Variants in CNPY4 observed in about 807,000 individuals in gnomAD.
CNPY4 encodes the protein canopy FGF signaling regulator 4.
In CNPY4, 33 loss-of-function variants were observed where a neutral mutation model predicts 30.1. The ratio of observed to expected loss-of-function variants is 1.10; its 90% confidence interval spans 0.83 to 1.46. The LOEUF (loss-of-function observed/expected upper bound fraction) is 1.46. CNPY4 is among the 40% of genes most tolerant of loss of function. The probability of loss-of-function intolerance (pLI) is 0.00; values close to 1 mark genes in which losing one functional copy is unlikely to be tolerated. For synonymous variants in CNPY4, 109 were observed against 110.1 expected (o/e 0.99, Z 0.06); for missense variants, 324 against 302.6 (o/e 1.07, Z -0.52).
Position 100,125,357 on chromosome 7 carries a change from G to A in CNPY4, c.*469G>A. On this transcript the variant is annotated 3_prime_UTR_variant, in exon 6 of 6. Transcript: ENST00000262932. ...CACCAGCAAACCGTGAAGGAGAATG[G>A]GACACTGGGTCATGGCCTGGAGTTG... is the stretch of plus-strand genomic sequence containing the variant. 1 of 159,170 alleles carries A rather than the reference G, an allele frequency of 6.3e-6. No individual in the cohort carries two copies. The highest frequency in any genetic ancestry group is 5.9e-5 in the Admixed American group (1 of 16,914). The allele number at this position is 159,170 out of a possible 1,614,324, so 9.9% of individuals were successfully genotyped here.
Position 100,122,316 on chromosome 7 carries a change from G to A in CNPY4, c.176G>A (p.Arg59Gln), listed in dbSNP as rs150868896. ...GAACTGAGTCGCACCGGTCGATCTC[G>A]AGAGGTGCTGGAGCTGGGGCAGGTG... ...QAELSRTGRS[R>Q]EVLELGQVLD... Residue 59 changes from arginine (R) to glutamine (Q), a missense_variant, in exon 2 of 6, where the codon CGA (arginine) becomes CAA (glutamine). Arg to Gln is a conservative substitution (Grantham distance 43, BLOSUM62 1). Transcript: ENST00000262932. The A allele has an allele frequency of 3.7e-5, 60 of 1,614,092 alleles. No individual in the cohort carries two copies. Among genetic ancestry groups the A allele is most frequent in the Non-Finnish European group, 4.2e-5 (50 of 1,180,014 alleles).
At position 100,122,303 on chromosome 7, in the gene CNPY4, A is replaced by G. The variant is rs1414730228; in HGVS notation, c.163A>G (p.Thr55Ala). 1.2e-6 allele frequency: 2 copies of G among 1,614,038 alleles called. No homozygotes were observed. The highest frequency in any genetic ancestry group is 1.1e-5 in the South Asian group (1 of 91,082). ...AGAGCTACAGGCGGAACTGAGTCGC[A>G]CCGGTCGATCTCGAGAGGTGCTGGA... Reference protein sequence around the residue: ...STELQAELSRTGRSREVLELG... With the variant: ...STELQAELSRAGRSREVLELG... Residue 55 changes from threonine (T) to alanine (A), a missense_variant, in exon 2 of 6, where the codon ACC becomes GCC. By Grantham distance (58) the Thr-to-Ala change is moderately conservative. Coordinates refer to ENST00000262932, the MANE Select transcript of CNPY4 (RefSeq NM_152755.2).
Position 100,124,832 on chromosome 7 carries a change from G to C in CNPY4, c.691G>C (p.Gly231Arg), listed in dbSNP as rs1352882825. Reference sequence around the variant, plus strand: ...GGAGGAAGAGGAGGAAGAGGAAGGGGGAGACAAGATGACCAAGACAGGAAG... The same window carrying C: ...GGAGGAAGAGGAGGAAGAGGAAGGGCGAGACAAGATGACCAAGACAGGAAG... ...EEEEEEEEEG[G>R]DKMTKTGSHP... is the part of the protein sequence containing the mutation. Residue 231 changes from glycine (G) to arginine (R), a missense_variant, in exon 6 of 6, where the codon GGA (glycine) becomes CGA (arginine). Physicochemically the swap from Gly to Arg is moderately radical, Grantham distance 125 (BLOSUM62 -2). Coordinates refer to ENST00000262932, the MANE Select transcript of CNPY4 (RefSeq NM_152755.2). 1 of 1,611,030 alleles carries C rather than the reference G, an allele frequency of 6.2e-7. No homozygotes were observed. Among genetic ancestry groups the C allele is most frequent in the African/African-American group, 1.3e-5 (1 of 74,788 alleles).
rs749277775 is a variant in CNPY4 at position 100,122,612 on chromosome 7, C to CA, written c.342+36dup. ...TTCCCCAGGGCAGGACCCCACTTCT[C>CA]AGATACAAAGATCTGTATCCCCTGA... On this transcript the variant is annotated intron_variant, in intron 3 of 5. Transcript: ENST00000262932. The CA allele has an allele frequency of 3.2e-6, 5 of 1,557,784 alleles. No homozygotes were observed. In the African/African-American group the frequency reaches 6.8e-5, roughly 21 times the overall value.
In CNPY4 at chr7:100,121,111, T is replaced by TATATATAC. The variant is rs1562938270; in HGVS notation, c.119-1142_119-1141insACATATAT. ...AATTTTATATATATATATATATATA[T>TATATATAC]ATATATTTTTTTTTTTTTTTTTTTT... On this transcript the variant is annotated intron_variant, in intron 1 of 5. Transcript: ENST00000262932. 3.6e-3 allele frequency: 128 copies of TATATATAC among 35,332 alleles called. 1 individual carries two copies. The highest frequency in any genetic ancestry group is 6.0e-3 in the Non-Finnish European group (111 of 18,542). 2.2% of individuals were successfully genotyped at this position (35,332 alleles called of 1,614,324 possible). A position where few individuals can be genotyped will look rare whatever the true frequency, so the allele number is the denominator to read the frequency against.
intron 1 of CNPY4, among the ~76,000 whole-genome samples, chr7:100,120,642 G>A (rs1445495553): frequency 6.6e-6 from 1 of 152,092 alleles, no homozygotes. Context: ...TCCGTGTGCC[G>A]CTCTTCTCCC....
At chr7:100,121,110 A>ATTTTTTTTTTTTTTTTT (rs1798036782) in intron 1 of CNPY4, 5 of 28,398 alleles carry the variant, frequency 1.8e-4, no homozygotes, top group African/African-American at 2.8e-4. Flanking sequence ...ATATATATAT[A>ATTTTTTTTTTTTTTTTT]TATATATTTT....
intron 1 of CNPY4, among the ~76,000 whole-genome samples, chr7:100,120,620 T>C (rs1798008067): frequency 6.6e-6 from 1 of 152,168 alleles, no homozygotes; most frequent in Non-Finnish European, 1.5e-5. Context: ...CTCATCTCTG[T>C]CTCCTTTCAC....
chr7:100,124,414 C>T, intron 4 of CNPY4, 100 bp from the exon 5 acceptor site: 1 of 880,508 alleles, frequency 1.1e-6, no homozygotes. Context: ...TCCTGGCTAC[C>T]TGCCTCTCCA....
At chr7:100,122,928 T>G in intron 4 of CNPY4, 22 bp downstream of exon 4, 1 of 1,594,026 alleles carries the variant, frequency 6.3e-7, no homozygotes, top group Non-Finnish European at 8.6e-7. Flanking sequence ...CACTGCACCA[T>G]CCAGGGAGGT....
intron 1 of CNPY4, 123 bp downstream of exon 1, chr7:100,119,985 T>C: frequency 1.2e-6 from 1 of 844,506 alleles, no homozygotes; most frequent in Non-Finnish European, 1.8e-6. Flanking sequence ...GAGGTTCTGG[T>C]GGAGCTTGGC....
At position 100,122,379 on chromosome 7, in the gene CNPY4, G is replaced by T. The variant is rs143557149; in HGVS notation, c.239G>T (p.Ser80Ile). The change falls in exon 2 of 6, where the codon AGC becomes ATC. Residue 80 changes from serine to isoleucine, a missense_variant. Physicochemically the swap from Ser to Ile is moderately radical, Grantham distance 142. Transcript: ENST00000262932. ...AAGAGGAAGAGACACGTGCCTTACA[G>T]CGTTTCGTGAGTCCTTCGTGCTCCT... ...TGKRKRHVPY[S>I]VSETRLEEAL... 3.0e-3 allele frequency: 4,872 copies of T among 1,614,150 alleles called. 18 individuals are homozygous for T. Among genetic ancestry groups the T allele is most frequent in the Non-Finnish European group, 3.7e-3 (4,316 of 1,180,042 alleles).
chr7:100,122,664 A>ATCTCACC, intron 3 of CNPY4, 87 bp downstream of exon 3: 1 of 1,511,610 alleles, frequency 6.6e-7, no homozygotes, highest in Admixed American at 1.9e-5. Context: ...TCTGCCCATC[A>ATCTCACC]TCTCACCATC....
rs567202350 is a variant in CNPY4 at position 100,124,772 on chromosome 7, G to A, written c.631G>A (p.Glu211Lys). 1.9e-6 allele frequency: 3 copies of A among 1,613,924 alleles called. No individual in the cohort carries two copies. Among genetic ancestry groups the A allele is most frequent in the South Asian group, 1.1e-5 (1 of 91,076 alleles). The stretch of plus-strand genomic sequence containing the variant: ...TGGAAAGGAGATCACAGATGGGGAA[G>A]AGAAAACAGAAGGGGAGGAAGAGCA... ...WTGKEITDGE[E>K]KTEGEEEQEE... Residue 211 changes from glutamate (E) to lysine (K), a missense_variant, in exon 6 of 6, where the codon GAG becomes AAG. By Grantham distance (56) the Glu-to-Lys change is moderately conservative (BLOSUM62 1). Transcript: ENST00000262932.
Position 100,124,477 on chromosome 7 carries a change from C to T in CNPY4, c.466-37C>T, listed in dbSNP as rs778339317. On this transcript the variant is annotated intron_variant, in intron 4 of 5. Coordinates refer to ENST00000262932, the MANE Select transcript of CNPY4 (RefSeq NM_152755.2). ...AGACAGGCGGGATCCCAAATCCCTC[C>T]AGAGCAGATACTCTTCTGGCCCTTC... is the stretch of plus-strand genomic sequence containing the variant. 5 of 1,511,498 alleles carry T rather than the reference C, an allele frequency of 3.3e-6. No individual in the cohort carries two copies. The South Asian group carries it at 5.6e-5, about 17-fold the overall frequency. The allele number at this position is 1,511,498 out of a possible 1,614,324, so 93.6% of individuals were successfully genotyped here.
intron 3 of CNPY4, 34 bp downstream of exon 3, chr7:100,122,611 TCAGATA>T: frequency 6.4e-7 from 1 of 1,559,518 alleles, no homozygotes; most frequent in Non-Finnish European, 8.7e-7. Context: ...ACCCCACTTC[TCAGATA>T]CAAAGATCTG....
intron 1 of CNPY4, among the ~76,000 whole-genome samples, chr7:100,120,858 CT>C: frequency 6.6e-6 from 1 of 151,984 alleles, no homozygotes; most frequent in South Asian, 2.1e-4. Context: ...GCTTGTCATC[CT>C]TGGTTTATCT....
In CNPY4 at chr7:100,124,832, G is replaced by T. The variant is rs1352882825; in HGVS notation, c.691G>T (p.Gly231Ter). ...GGAGGAAGAGGAGGAAGAGGAAGGG[G>T]GAGACAAGATGACCAAGACAGGAAG... ...EEEEEEEEEG[G>*]DKMTKTGSHP... Residue 231 changes from glycine (G) to a stop codon, truncating the protein, a stop_gained, in exon 6 of 6, where the codon GGA becomes TGA. Transcript: ENST00000262932. LOFTEE classifies it high-confidence loss of function. The T allele has an allele frequency of 6.2e-7, 1 of 1,611,030 alleles. No individual in the cohort carries two copies. The highest frequency in any genetic ancestry group is 8.5e-7 in the Non-Finnish European group (1 of 1,178,500).
At position 100,119,690 on chromosome 7, in the gene CNPY4, A is replaced by G. The variant is rs759811504; in HGVS notation, c.-55A>G. 1.9e-6 allele frequency: 3 copies of G among 1,613,694 alleles called. No individual in the cohort carries two copies. The highest frequency in any genetic ancestry group is 1.3e-5 in the African/African-American group (1 of 75,008). ...CCGCCTGGGAATTTAAGGGACCCAC[A>G]CTACCTTCCCGAAGTTGAAGGCAAG... On this transcript the variant is annotated 5_prime_UTR_variant, in exon 1 of 6. Coordinates refer to ENST00000262932, the MANE Select transcript of CNPY4 (RefSeq NM_152755.2).
Sources: allele counts gnomAD v4.1 joint callset (sites outside exome capture counted in the v4.1 genomes callset), GRCh38; gene constraint gnomAD v4.1.1; transcripts MANE v1.5; gene names NCBI Gene and HGNC (gene_info 2026-07-23, HGNC 2026-07-21).